The following CDK14 variants were observed in gnomAD, a reference collection of about 807,000 sequenced individuals.
CDK14 encodes the protein cyclin dependent kinase 14, also known as cyclin-dependent kinase 14.
A neutral mutation model predicts 60.7 loss-of-function variants in CDK14; 34 were observed. The ratio of observed to expected loss-of-function variants is 0.56; its 90% CI spans 0.43 to 0.75. CDK14 has a LOEUF of 0.75. Among genes scored for constraint, CDK14 ranks in the 30% least tolerant of loss-of-function variants. CDK14 has a pLI of 0.00. For missense variants in CDK14, 482 were observed against 564.1 expected (o/e 0.85, Z 1.47); for synonymous variants, 197 against 203.7 (o/e 0.97, Z 0.28).
intron 10 of CDK14, among the ~76,000 whole-genome samples, chr7:90,990,487 G>A (rs554828772): frequency 6.6e-6 from 1 of 152,194 alleles, no homozygotes; most frequent in Admixed American, 6.5e-5. Context: ...ATTTGTACTT[G>A]TTTCCTTCAA....
intron 2 of CDK14, among the ~76,000 whole-genome samples, chr7:90,693,330 C>T (rs1189414581): frequency 6.6e-6 from 1 of 152,088 alleles, no homozygotes; most frequent in Non-Finnish European, 1.5e-5. Flanking sequence ...CTGGAATAGA[C>T]CCTAGTCTGT....
In CDK14 at chr7:90,729,368, TTTTC is replaced by T. The variant is rs1182902685; in HGVS notation, c.369+2557_369+2560del. Among the ~76,000 whole-genome samples, 20 of 135,570 alleles carry T rather than the reference TTTTC, an allele frequency of 1.5e-4. 1 individual carries two copies. Among genetic ancestry groups the T allele is most frequent in the African/African-American group, 4.7e-4 (15 of 31,852 alleles). 88.9% of individuals were successfully genotyped at this position (135,570 alleles called of 152,430 possible). A position where few individuals can be genotyped will look rare whatever the true frequency, so the allele number is the denominator to read the frequency against. Reference sequence around the variant, plus strand: ...GGTTTTTTTTTTTTTTTTTTTTTTTTTTTCCCCACTCATCCTAGGCAATGTGACT... The same window carrying T: ...GGTTTTTTTTTTTTTTTTTTTTTTTTCCCACTCATCCTAGGCAATGTGACT... On this transcript the variant is annotated intron_variant, in intron 3 of 14. Transcript: ENST00000380050.
At position 90,895,142 on chromosome 7, in the gene CDK14, A is replaced by G. The variant is rs1584097097; in HGVS notation, c.640-4149A>G. 3.9e-5 allele frequency among the ~76,000 whole-genome samples: 6 copies of G among 152,224 alleles called. No individual in the cohort carries two copies. In the South Asian group the frequency reaches 1.2e-3, roughly 32 times the overall value. ...AGCATTTTTTATTAAAACAGTCTGA[A>G]TTCAGTACCTTTTTAGTTATAGCCC... is the stretch of plus-strand genomic sequence containing the variant. On this transcript the variant is annotated intron_variant, in intron 6 of 14. Coordinates refer to ENST00000380050, the MANE Select transcript of CDK14 (RefSeq NM_001287135.2).
In CDK14 at chr7:91,126,841, A is replaced by AT. The variant is rs371017509; in HGVS notation, c.*28+8642dup. 1.5e-4 allele frequency among the ~76,000 whole-genome samples: 22 copies of AT among 150,590 alleles called. 1 individual carries two copies. The highest frequency in any genetic ancestry group is 9.7e-4 in the East Asian group (5 of 5,134). ...TCTCTCACTCGCTTTTCTTTTTTTT[A>AT]TTTTTTTTTCCTTCCATTCCTGCCT... is the stretch of plus-strand genomic sequence containing the variant. On this transcript the variant is annotated intron_variant, in intron 14 of 14. Coordinates refer to ENST00000380050, the MANE Select transcript of CDK14 (RefSeq NM_001287135.2).
At chr7:91,121,429 G>A (rs751188436) in intron 14 of CDK14, among the ~76,000 whole-genome samples, 1 of 152,136 alleles carries the variant, frequency 6.6e-6, no homozygotes, top group Non-Finnish European at 1.5e-5. Flanking sequence ...TTCTGTCTTT[G>A]AAATGGTAGA....
chr7:90,793,422 T>A (rs1199509162), intron 5 of CDK14, among the ~76,000 whole-genome samples: 1 of 152,204 alleles, frequency 6.6e-6, no homozygotes, highest in African/African-American at 2.4e-5. Context: ...ATTCTTCCAT[T>A]AGTGATGGGA....
chr7:91,070,106 T>C (rs1047855849), intron 11 of CDK14, among the ~76,000 whole-genome samples: 1 of 152,178 alleles, frequency 6.6e-6, no homozygotes, highest in Non-Finnish European at 1.5e-5. Context: ...CTGTGTATTG[T>C]GTTGACTAAC....
chr7:91,089,172 T>C (rs1798730132), intron 12 of CDK14, among the ~76,000 whole-genome samples: 3 of 152,190 alleles, frequency 2.0e-5, no homozygotes, highest in Admixed American at 6.6e-5. Flanking sequence ...AAAACTGATG[T>C]ACTTTGGAGA....
chr7:90,882,946 T>A (rs1486823249), intron 6 of CDK14, among the ~76,000 whole-genome samples: 1 of 152,008 alleles, frequency 6.6e-6, no homozygotes, highest in East Asian at 1.9e-4. Flanking sequence ...TAAACCAGTC[T>A]TGAGAGGGAA....
chr7:90,862,674 A>C (rs1791048435), intron 5 of CDK14, among the ~76,000 whole-genome samples: 1 of 152,156 alleles, frequency 6.6e-6, no homozygotes. Flanking sequence ...TCAAATTGAC[A>C]TTTATAGAAC....
intron 7 of CDK14, among the ~76,000 whole-genome samples, chr7:90,908,503 A>C (rs1247346580): frequency 1.3e-5 from 2 of 152,114 alleles, no homozygotes; most frequent in Non-Finnish European, 2.9e-5. Context: ...AAGTTACCCA[A>C]CTTGGGAGTT....
At chr7:90,879,080 A>T (rs1346818729) in intron 6 of CDK14, among the ~76,000 whole-genome samples, 4 of 152,228 alleles carry the variant, frequency 2.6e-5, no homozygotes, top group Non-Finnish European at 5.9e-5. Flanking sequence ...CAACGAATTG[A>T]GCAAAAGTTA....
At position 90,818,910 on chromosome 7, in the gene CDK14, A is replaced by G. The variant is rs544220925; in HGVS notation, c.544+28258A>G. Among the ~76,000 whole-genome samples the G allele has an allele frequency of 9.3e-5, 14 of 151,338 alleles. No homozygotes were observed. The South Asian group carries it at 1.5e-3, about 16-fold the overall frequency. ...TATGTGTGTGTGTGTGTGTGTGTGT[A>G]TATATATATAATTTGTTACTGAAAC... On this transcript the variant is annotated intron_variant, in intron 5 of 14. Coordinates refer to ENST00000380050, the MANE Select transcript of CDK14 (RefSeq NM_001287135.2).
chr7:91,054,738 C>T (rs993948387), intron 11 of CDK14, among the ~76,000 whole-genome samples: 10 of 152,210 alleles, frequency 6.6e-5, no homozygotes, highest in African/African-American at 2.2e-4. Context: ...TTGAACAAAG[C>T]GGATGAATCC....
At chr7:91,173,898 A>G (rs975391352) in intron 14 of CDK14, among the ~76,000 whole-genome samples, 2 of 152,180 alleles carry the variant, frequency 1.3e-5, no homozygotes, top group African/African-American at 4.8e-5. Context: ...CCGCCATTGC[A>G]CAGGCTTGAT....
At chr7:91,077,858 C>A (rs1798369952) in intron 11 of CDK14, among the ~76,000 whole-genome samples, 2 of 150,850 alleles carry the variant, frequency 1.3e-5, no homozygotes. Flanking sequence ...TGATAAAAAA[C>A]CAAGAATCCA....
intron 14 of CDK14, among the ~76,000 whole-genome samples, chr7:91,129,695 A>G (rs1432052171): frequency 1.3e-5 from 2 of 152,182 alleles, no homozygotes; most frequent in Non-Finnish European, 2.9e-5. Context: ...ACCAGTATTA[A>G]TTTGTTGATA....
intron 8 of CDK14, among the ~76,000 whole-genome samples, chr7:90,929,958 T>C (rs1793537681): frequency 6.6e-6 from 1 of 152,226 alleles, no homozygotes; most frequent in South Asian, 2.1e-4. Flanking sequence ...TATTACTTTT[T>C]ATATTAGCAT....
At chr7:90,723,278 C>T (rs1802519529) in intron 2 of CDK14, among the ~76,000 whole-genome samples, 1 of 152,124 alleles carries the variant, frequency 6.6e-6, no homozygotes, top group Non-Finnish European at 1.5e-5. Flanking sequence ...CTTAAAACAA[C>T]ATACATTTTT....
Sources: gnomAD v4.1 joint callset for allele counts (sites outside exome capture counted in the v4.1 genomes callset) on GRCh38, gnomAD v4.1.1 for gene constraint, MANE v1.5 for transcripts, NCBI Gene and HGNC (gene_info 2026-07-23, HGNC 2026-07-21) for gene names.